The following RRP7A variants were observed in gnomAD, a reference collection of about 807,000 sequenced individuals.
RRP7A encodes ribosomal RNA-processing protein 7 homolog A.
Under a neutral mutation model 38.4 loss-of-function variants are expected in RRP7A, and 27 were observed. The ratio of observed to expected loss-of-function variants is 0.70; its 90% CI spans 0.52 to 0.97. The LOEUF is 0.97. Ranked by LOEUF, RRP7A falls within the 50% of genes least tolerant of loss-of-function variation. The pLI is 0.00. For synonymous variants in RRP7A, 124 were observed against 150.3 expected (o/e 0.83, Z 1.28); for missense variants, 327 against 375.4 (o/e 0.87, Z 1.07).
intron 3 of RRP7A, among the ~76,000 whole-genome samples, chr22:42,515,725 G>C (rs1482592503): frequency 6.6e-6 from 1 of 152,208 alleles, no homozygotes; most frequent in African/African-American, 2.4e-5. Flanking sequence ...AGCTCCCTCA[G>C]TGGGGAAGCA....
At chr22:42,514,911 G>A (rs1303535880) in intron 4 of RRP7A, 132 bp from the exon 5 acceptor site, 9 of 792,338 alleles carry the variant, frequency 1.1e-5, no homozygotes, top group South Asian at 1.6e-5. Context: ...GATCCCAGGG[G>A]CTGCAAGCTG....
At chr22:42,516,861 A>C (rs5021907) in intron 2 of RRP7A, among the ~76,000 whole-genome samples, 82,463 of 151,754 alleles carry the variant, frequency 0.54, 24,920 homozygotes, top group East Asian at 0.88. Flanking sequence ...GGGCCCTTCC[A>C]GGCACACATG....
At chr22:42,518,398 C>T (rs1920937098) in intron 1 of RRP7A, among the ~76,000 whole-genome samples, 1 of 150,802 alleles carries the variant, frequency 6.6e-6, no homozygotes, top group African/African-American at 2.4e-5. Context: ...CAGATGGGGG[C>T]GCAATGAGAG....
In RRP7A at chr22:42,519,714, C is replaced by T. The variant is rs1458930149; in HGVS notation, c.73G>A (p.Ala25Thr). ...GGTCTCGCGTCCCGGAGCCCCTCAC[C>T]TGCGTAGCCCAGTGGGCTGGGGATA... ...DRIPSPLGYA[A>T]IPIKFSEKQQ... Residue 25 changes from alanine to threonine, a missense_variant and splice_region_variant, in exon 1 of 7, where the codon GCT (alanine) becomes ACT (threonine). Ala to Thr is a moderately conservative substitution (Grantham distance 58, BLOSUM62 0). Transcript: ENST00000323013. 2.3e-5 allele frequency: 33 copies of T among 1,455,512 alleles called. No individual in the cohort carries two copies. Among genetic ancestry groups the T allele is most frequent in the Non-Finnish European group, 3.0e-5 (33 of 1,104,904 alleles). The allele number at this position is 1,455,512 out of a possible 1,614,324, so 90.2% of individuals were successfully genotyped here.
intron 2 of RRP7A, among the ~76,000 whole-genome samples, chr22:42,517,750 C>G (rs1232142988): frequency 2.6e-5 from 4 of 152,184 alleles, no homozygotes; most frequent in Non-Finnish European, 4.4e-5. Context: ...GAACTCCTCC[C>G]TTCAGGTGAT....
rs749203081 is a variant in RRP7A at position 42,514,688 on chromosome 22, G to A, written c.552C>T (p.Ile184=). 6.8e-6 allele frequency: 11 copies of A among 1,607,634 alleles called. No homozygotes were observed. The highest frequency in any genetic ancestry group is 2.2e-5 in the East Asian group (1 of 44,776). ...DTFMEAYDQK[I]AEEEAKAKEE... ...GACCCCGCGGGGCCTCTACCTCAGC[G>A]ATCTTCTGGTCATATGCCTCCATGA... Residue 184 remains isoleucine, a synonymous_variant, in exon 5 of 7, where the codon ATC becomes ATT. Coordinates refer to ENST00000323013, the MANE Select transcript of RRP7A (RefSeq NM_015703.5).
At position 42,517,899 on chromosome 22, in the gene RRP7A, G is replaced by A. The variant is rs557030446; in HGVS notation, c.216+106C>T. The A allele has an allele frequency of 9.9e-6, 13 of 1,319,050 alleles. No individual in the cohort carries two copies. In the African/African-American group the frequency reaches 1.7e-4, roughly 18 times the overall value. 81.7% of individuals were successfully genotyped at this position (1,319,050 alleles called of 1,614,324 possible). A position where few individuals can be genotyped will look rare whatever the true frequency, so the allele number is the denominator to read the frequency against. ...GGTAGCCCTCCTGACACTCTCCTCTGGGGCTCCCATTAGCTGTGTCCGTCT... is the reference window on the plus strand; with the variant it reads ...GGTAGCCCTCCTGACACTCTCCTCTAGGGCTCCCATTAGCTGTGTCCGTCT... On this transcript the variant is annotated intron_variant, in intron 2 of 6. Transcript: ENST00000323013.
intron 1 of RRP7A, among the ~76,000 whole-genome samples, chr22:42,519,348 GC>G (rs1393658571): frequency 1.3e-5 from 2 of 151,968 alleles, no homozygotes; most frequent in Admixed American, 6.6e-5. Flanking sequence ...GCCTATAACA[GC>G]CCAGGTAAGA....
Position 42,516,073 on chromosome 22 carries a change from G to C in RRP7A, c.280C>G (p.Pro94Ala). The change falls in exon 3 of 7, where the codon CCG becomes GCG. Residue 94 changes from proline to alanine, a missense_variant. Pro to Ala is a conservative substitution (Grantham distance 27). Coordinates refer to ENST00000323013, the MANE Select transcript of RRP7A (RefSeq NM_015703.5). ...LVQSVELQEK[P>A]DLAESPKESR... ...TCCTTTGGGCTCTCAGCCAGGTCCG[G>C]CTTCTCCTGCAACTCTACAGACTGG... The C allele has an allele frequency of 6.2e-7, 1 of 1,613,418 alleles. No individual in the cohort carries two copies. Among genetic ancestry groups the C allele is most frequent in the African/African-American group, 1.3e-5 (1 of 75,054 alleles).
Position 42,509,094 on chromosome 22 carries a change from C to T in RRP7A, c.*3816G>A. 4 of 1,614,036 alleles carry T rather than the reference C, an allele frequency of 2.5e-6. No homozygotes were observed. Among genetic ancestry groups the T allele is most frequent in the Non-Finnish European group, 3.4e-6 (4 of 1,179,896 alleles). ...GCATTCCATCAGGAAGCTGCAGGCC[C>T]ATGTCCTGTTGATCAAGTGAGTCTG... On this transcript the variant is annotated 3_prime_UTR_variant, in exon 7 of 7. Transcript: ENST00000323013.
chr22:42,510,735 G>A lies in RRP7A; in HGVS notation c.*2175C>T, dbSNP rs1208513264. Reference sequence around the variant, plus strand: ...TCCACCCTCAAAGAGGTAAGGCGGGGCTCAGGCAGCTGGTGTCCAGCCACT... The same window carrying A: ...TCCACCCTCAAAGAGGTAAGGCGGGACTCAGGCAGCTGGTGTCCAGCCACT... On this transcript the variant is annotated 3_prime_UTR_variant, in exon 7 of 7. Transcript: ENST00000323013. 6.7e-6 allele frequency: 10 copies of A among 1,501,446 alleles called. No individual in the cohort carries two copies. The South Asian group carries it at 1.1e-4, about 17-fold the overall frequency. The allele number at this position is 1,501,446 out of a possible 1,614,324, so 93.0% of individuals were successfully genotyped here.
Position 42,516,017 on chromosome 22 carries a change from T to C in RRP7A, c.336A>G (p.Pro112=), listed in dbSNP as rs1377382481. 1 of 1,596,410 alleles carries C rather than the reference T, an allele frequency of 6.3e-7. No homozygotes were observed. Among genetic ancestry groups the C allele is most frequent in the Admixed American group, 1.7e-5 (1 of 58,106 alleles). ...CCCGGGCTTGGCGGCTCACCGGAAC[T>C]GGCTTGGGATGAAAAAACTTCGACC... ...ESRSKFFHPK[P]VPGFQVAYVV... is the part of the protein sequence containing the mutation. Residue 112 remains proline (P), a synonymous_variant, in exon 3 of 7, where the codon CCA becomes CCG. Coordinates refer to ENST00000323013, the MANE Select transcript of RRP7A (RefSeq NM_015703.5).
rs1366720990 is a variant in RRP7A, at chr22:42,509,629, C to T, written c.*3281G>A. ...CAGGCGAGAGCCACCGTGCGTGGCC[C>T]ACCATAGACGATTTTTAAGCCATAA... On this transcript the variant is annotated 3_prime_UTR_variant, in exon 7 of 7. Coordinates refer to ENST00000323013, the MANE Select transcript of RRP7A (RefSeq NM_015703.5). Among the ~76,000 whole-genome samples, 3 of 151,732 alleles carry T rather than the reference C, an allele frequency of 2.0e-5. No individual in the cohort carries two copies. The highest frequency in any genetic ancestry group is 7.3e-5 in the African/African-American group (3 of 41,308).
At chr22:42,517,480 G>A (rs1920933668) in intron 2 of RRP7A, among the ~76,000 whole-genome samples, 1 of 151,982 alleles carries the variant, frequency 6.6e-6, no homozygotes, top group Non-Finnish European at 1.5e-5. Context: ...AGACAACTTT[G>A]GGTAATATGT....
chr22:42,509,042 T>G lies in RRP7A; in HGVS notation c.*3868A>C, dbSNP rs141606280. The G allele has an allele frequency of 6.8e-6, 11 of 1,606,912 alleles. No homozygotes were observed. In the African/African-American group the frequency reaches 1.5e-4, roughly 21 times the overall value. ...TGTCTCTGCAGGCAGAGAACAGCAT[T>G]GACTTCGTCAGCAGGGAGCTGTGTG... On this transcript the variant is annotated 3_prime_UTR_variant, in exon 7 of 7. Transcript: ENST00000323013.
rs1329069534 is a variant in RRP7A at position 42,509,874 on chromosome 22, CAG to C, written c.*3034_*3035del. 1 of 91,256 alleles carries C rather than the reference CAG, an allele frequency of 1.1e-5. No individual in the cohort carries two copies. The highest frequency in any genetic ancestry group is 7.8e-5 in the African/African-American group (1 of 12,864). The allele number at this position is 91,256 out of a possible 1,614,324, so 5.7% of individuals were successfully genotyped here. A position where few individuals can be genotyped will look rare whatever the true frequency, so the allele number is the denominator to read the frequency against. ...GGGTGTGTGTGTGTGTGTGTAAGCTCAGAGGTTTGCGATTTCTTTGGGGGTGA... is the reference window on the plus strand; with the variant it reads ...GGGTGTGTGTGTGTGTGTGTAAGCTCAGGTTTGCGATTTCTTTGGGGGTGA... On this transcript the variant is annotated 3_prime_UTR_variant, in exon 7 of 7. Coordinates refer to ENST00000323013, the MANE Select transcript of RRP7A (RefSeq NM_015703.5).
intron 3 of RRP7A, among the ~76,000 whole-genome samples, 192 bp from the exon 4 acceptor site, chr22:42,515,460 C>T (rs1054663789): frequency 3.9e-5 from 6 of 152,250 alleles, no homozygotes; most frequent in African/African-American, 7.2e-5. Flanking sequence ...AATCCTGCTT[C>T]TGCGGGAAGT....
rs1920927744 is a variant in RRP7A, at chr22:42,515,732, A to G, written c.342+279T>C. 2.0e-5 allele frequency among the ~76,000 whole-genome samples: 3 copies of G among 152,286 alleles called. No homozygotes were observed. In the South Asian group the frequency reaches 6.2e-4, roughly 32 times the overall value. Reference sequence around the variant, plus strand: ...GGGGAAGGAGCTCCCTCAGTGGGGAAGCAGGAGGGGAGCCGGGGAAGGCCC... The same window carrying G: ...GGGGAAGGAGCTCCCTCAGTGGGGAGGCAGGAGGGGAGCCGGGGAAGGCCC... On this transcript the variant is annotated intron_variant, in intron 3 of 6. Transcript: ENST00000323013.
In RRP7A at chr22:42,512,897, C is replaced by A. The variant is rs62239687; in HGVS notation, c.*13G>T. The A allele has an allele frequency of 0.04, 63,164 of 1,596,292 alleles. 87 individuals are homozygous for A. Among genetic ancestry groups the A allele is most frequent in the Non-Finnish European group, 0.046 (54,043 of 1,164,502 alleles). ...GCCCTGCACCTCCAGCCATTCACTG[C>A]GGCTCTCACAGCTCAGTACGGTCGG... On this transcript the variant is annotated 3_prime_UTR_variant, in exon 7 of 7. Transcript: ENST00000323013.
Sources: allele counts gnomAD v4.1 joint callset (sites outside exome capture counted in the v4.1 genomes callset), GRCh38; gene constraint gnomAD v4.1.1; transcripts MANE v1.5; gene names NCBI Gene and HGNC (gene_info 2026-07-23, HGNC 2026-07-21).